OPCML: variants seen among roughly 807,000 people sequenced by gnomAD.
OPCML encodes opioid-binding protein/cell adhesion molecule.
In OPCML, 13 loss-of-function variants were observed where a neutral mutation model predicts 37.8. The observed-to-expected ratio is 0.34, with a 90% CI of 0.22 to 0.55. OPCML has a LOEUF of 0.55. Ranked by LOEUF, OPCML falls within the 20% of genes least tolerant of loss-of-function variation. The probability of loss-of-function intolerance (pLI) is 0.91; values close to 1 mark genes in which losing one functional copy is unlikely to be tolerated. For missense variants in OPCML, 341 were observed against 435.6 expected (o/e 0.78, Z 1.93); for synonymous variants, 176 against 168.8 (o/e 1.04, Z -0.33).
At chr11:132,468,272 C>T (rs896894910) in intron 4 of OPCML, among the ~76,000 whole-genome samples, 24 of 152,328 alleles carry the variant, frequency 1.6e-4, no homozygotes, top group African/African-American at 4.6e-4. Context: ...AAGTACACCT[C>T]TCCTTCCCTC....
At chr11:132,765,869 G>C (rs569108425) in intron 2 of OPCML, among the ~76,000 whole-genome samples, 15 of 152,210 alleles carry the variant, frequency 9.9e-5, no homozygotes, top group African/African-American at 3.4e-4. Context: ...TTGGAGACAG[G>C]CTTGACTTCA....
intron 1 of OPCML, among the ~76,000 whole-genome samples, chr11:133,308,384 A>T (rs1033180863): frequency 1.3e-4 from 20 of 152,214 alleles, no homozygotes; most frequent in Admixed American, 3.3e-4. Context: ...TAAATAAAGA[A>T]AGAAATTATA....
At chr11:133,455,862 T>C (rs1250725007) in intron 1 of OPCML, among the ~76,000 whole-genome samples, 3 of 152,138 alleles carry the variant, frequency 2.0e-5, no homozygotes, top group Non-Finnish European at 4.4e-5. Context: ...GTGGGAAATT[T>C]TGTGGTGTTT....
intron 1 of OPCML, among the ~76,000 whole-genome samples, chr11:133,191,744 T>G (rs1938331056): frequency 1.3e-5 from 2 of 152,174 alleles, no homozygotes; most frequent in South Asian, 4.1e-4. Flanking sequence ...TCCACACACC[T>G]TGGCCTCCCA....
At chr11:132,505,111 A>T (rs995351376) in intron 4 of OPCML, among the ~76,000 whole-genome samples, 3 of 152,226 alleles carry the variant, frequency 2.0e-5, no homozygotes, top group Non-Finnish European at 2.9e-5. Flanking sequence ...GAAGCTCTGC[A>T]GCCTAATAAA....
chr11:132,866,321 A>G (rs977830152), intron 2 of OPCML, among the ~76,000 whole-genome samples: 2 of 152,230 alleles, frequency 1.3e-5, no homozygotes, highest in Non-Finnish European at 2.9e-5. Context: ...AGGGGATGCT[A>G]TAAAGCGCAT....
At chr11:133,438,453 A>G (rs1056472150) in intron 1 of OPCML, among the ~76,000 whole-genome samples, 2 of 152,212 alleles carry the variant, frequency 1.3e-5, no homozygotes, top group African/African-American at 2.4e-5. Flanking sequence ...GCAATCACAG[A>G]AAAAAGTTCA....
intron 1 of OPCML, among the ~76,000 whole-genome samples, chr11:133,380,411 T>G (rs1944906175): frequency 6.6e-6 from 1 of 152,182 alleles, no homozygotes; most frequent in Non-Finnish European, 1.5e-5. Context: ...CTAAGCATGC[T>G]CTTTTGTCTA....
At chr11:132,683,268 C>T (rs572064705) in intron 2 of OPCML, among the ~76,000 whole-genome samples, 6 of 152,178 alleles carry the variant, frequency 3.9e-5, no homozygotes, top group East Asian at 3.9e-4. Flanking sequence ...GGCATAGTGG[C>T]GCATGCCTGT....
At chr11:132,549,098 AC>A (rs1272810347) in intron 3 of OPCML, among the ~76,000 whole-genome samples, 1 of 152,140 alleles carries the variant, frequency 6.6e-6, no homozygotes, top group Non-Finnish European at 1.5e-5. Context: ...AGAGGTCCTG[AC>A]ACAGTTCATA....
At chr11:133,128,058 C>T (rs986012460) in intron 1 of OPCML, among the ~76,000 whole-genome samples, 8 of 152,112 alleles carry the variant, frequency 5.3e-5, no homozygotes, top group Non-Finnish European at 1.0e-4. Flanking sequence ...TTCAGGAATC[C>T]CTTATGTGAT....
chr11:133,202,799 C>G (rs953872178), intron 1 of OPCML, among the ~76,000 whole-genome samples: 3 of 152,246 alleles, frequency 2.0e-5, no homozygotes, highest in Admixed American at 2.0e-4. Context: ...GCTGCTTCAT[C>G]TCACAGACAT....
At chr11:132,610,669 A>C (rs979621677) in intron 3 of OPCML, among the ~76,000 whole-genome samples, 1 of 152,138 alleles carries the variant, frequency 6.6e-6, no homozygotes. Context: ...AAACCACATC[A>C]TTATTTCTGA....
chr11:132,441,158 C>CTTTTTTG (rs1555122511), intron 4 of OPCML, among the ~76,000 whole-genome samples: 64 of 108,016 alleles, frequency 5.9e-4, no homozygotes, highest in African/African-American at 2.5e-3. Context: ...TCACCAAGGA[C>CTTTTTTG]TTTTTTGTTT....
intron 1 of OPCML, among the ~76,000 whole-genome samples, chr11:133,334,753 G>A (rs1307829689): frequency 6.6e-6 from 1 of 152,238 alleles, no homozygotes; most frequent in Non-Finnish European, 1.5e-5. Context: ...GTACCAGTGA[G>A]TGAGAGCCAA....
chr11:133,004,812 G>A, intron 1 of OPCML: 1 of 985,392 alleles, frequency 1.0e-6, no homozygotes, highest in Non-Finnish European at 1.2e-6. Flanking sequence ...CGTCTAACCT[G>A]CCCCTCTCCA....
At chr11:132,509,230 A>G (rs2096263636) in intron 4 of OPCML, among the ~76,000 whole-genome samples, 1 of 152,196 alleles carries the variant, frequency 6.6e-6, no homozygotes, top group Non-Finnish European at 1.5e-5. Context: ...GAAGAAATTT[A>G]TAAGCAGCAA....
At chr11:133,298,661 G>A (rs143307008) in intron 1 of OPCML, 1 of 152,232 alleles carries the variant, frequency 6.6e-6, no homozygotes, top group East Asian at 1.9e-4. Context: ...TTTTGATCAT[G>A]TTTTAATCTC....
At chr11:132,706,233 C>G (rs1453950646) in intron 2 of OPCML, among the ~76,000 whole-genome samples, 1 of 152,276 alleles carries the variant, frequency 6.6e-6, no homozygotes, top group South Asian at 2.1e-4. Flanking sequence ...CTTGTGTTTA[C>G]AGGGACCTAA....
Sources: allele counts gnomAD v4.1 joint callset (sites outside exome capture counted in the v4.1 genomes callset), GRCh38; gene constraint gnomAD v4.1.1; transcripts MANE v1.5; gene names NCBI Gene and HGNC (gene_info 2026-07-23, HGNC 2026-07-21).